The following MIB2 variants were observed in gnomAD, a reference collection of about 807,000 sequenced individuals.
The protein encoded by MIB2 is E3 ubiquitin-protein ligase MIB2.
Under a neutral mutation model 96.6 loss-of-function variants are expected in MIB2, and 78 were observed. That is an observed-to-expected ratio of 0.81 (90% confidence interval 0.67 to 0.97). The LOEUF is 0.97. Ranked by LOEUF, MIB2 falls within the 50% of genes least tolerant of loss-of-function variation. The pLI is 0.00. For synonymous variants in MIB2, 820 were observed against 629.5 expected (o/e 1.30, Z -4.53); for missense variants, 1,543 against 1,424.0 (o/e 1.08, Z -1.35).
chr1:1,627,361 G>C lies in MIB2; in HGVS notation c.1440G>C (p.Leu480Phe). ...CTGCCTACCTGGGCCAGGTGGAGTT[G>C]ATACGGCTGCTGCTACAAGCCAGGG... ...QVAAYLGQVE[L>F]IRLLLQARAG... is the part of the protein sequence containing the mutation. The change falls in exon 12 of 20, where the codon TTG becomes TTC. Residue 480 changes from leucine to phenylalanine, a missense_variant. Physicochemically the swap from Leu to Phe is conservative, Grantham distance 22. Transcript: ENST00000355826. 6.2e-7 allele frequency: 1 copy of C among 1,613,060 alleles called. No homozygotes were observed. Among genetic ancestry groups the C allele is most frequent in the Non-Finnish European group, 8.5e-7 (1 of 1,179,966 alleles).
chr1:1,622,648 C>G (rs1015124738), intron 2 of MIB2, among the ~76,000 whole-genome samples: 8 of 152,334 alleles, frequency 5.3e-5, no homozygotes, highest in African/African-American at 1.9e-4. Context: ...TGGGACTCAG[C>G]CCCGCTTCAG....
At chr1:1,614,058 C>G (rs972507301), upstream of MIB2, 16 of 149,600 alleles carry the variant, frequency 1.1e-4, no homozygotes, top group African/African-American at 4.0e-4. Flanking sequence ...ATTATTAACT[C>G]AAAAGAAAAA....
chr1:1,626,800 A>G lies in MIB2; in HGVS notation c.1078-37A>G, dbSNP rs1412861320. The G allele has an allele frequency of 1.3e-5, 20 of 1,578,902 alleles. No homozygotes were observed. The highest frequency in any genetic ancestry group is 1.5e-5 in the Non-Finnish European group (18 of 1,165,910). ...CGCCGCTAGCGCCGCTGCCCCCCACACCTGCAGCCTGCTGTGACCCCCTCC... is the reference window on the plus strand; with the variant it reads ...CGCCGCTAGCGCCGCTGCCCCCCACGCCTGCAGCCTGCTGTGACCCCCTCC... On this transcript the variant is annotated intron_variant, in intron 9 of 19. Coordinates refer to ENST00000355826, the MANE Select transcript of MIB2 (RefSeq NM_001170687.4). The surrounding 1 kb of genome is among the most constrained non-coding windows in gnomAD (Gnocchi z 5.3).
Position 1,626,578 on chromosome 1 carries a change from G to A in MIB2, c.973-72G>A. 2 of 1,285,400 alleles carry A rather than the reference G, an allele frequency of 1.6e-6. No homozygotes were observed. Among genetic ancestry groups the A allele is most frequent in the South Asian group, 3.0e-5 (2 of 65,906 alleles). The allele number at this position is 1,285,400 out of a possible 1,614,324, so 79.6% of individuals were successfully genotyped here. A position where few individuals can be genotyped will look rare whatever the true frequency, so the allele number is the denominator to read the frequency against. Reference sequence around the variant, plus strand: ...CCTGTCTCGTGGAGCTCAGCAGGTTGCCCTCCTGTTGCATGAGCCTGGGCA... The same window carrying A: ...CCTGTCTCGTGGAGCTCAGCAGGTTACCCTCCTGTTGCATGAGCCTGGGCA... On this transcript the variant is annotated intron_variant, in intron 8 of 19. Coordinates refer to ENST00000355826, the MANE Select transcript of MIB2 (RefSeq NM_001170687.4). This position sits in a 1 kb window ranked among gnomAD's most constrained non-coding sequence, Gnocchi z 5.3.
At position 1,623,845 on chromosome 1, in the gene MIB2, C is replaced by T. The variant is rs372549723; in HGVS notation, c.319C>T (p.Arg107Cys). The T allele has an allele frequency of 6.8e-6, 11 of 1,611,146 alleles. No homozygotes were observed. The highest frequency in any genetic ancestry group is 1.3e-5 in the African/African-American group (1 of 74,866). The change falls in exon 4 of 20, where the codon CGT (arginine) becomes TGT (cysteine). Residue 107 changes from arginine (R) to cysteine (C), a missense_variant. Coordinates refer to ENST00000355826, the MANE Select transcript of MIB2 (RefSeq NM_001170687.4). ...GCTGCGGGGGATGCGCTGGAAGTGC[C>T]GTGTGTGCCTGGACTACGACCTCTG... ...HGLRGMRWKC[R>C]VCLDYDLCTQ...
chr1:1,624,183 C>T (rs1644523855), intron 4 of MIB2: 6 of 568,172 alleles, frequency 1.1e-5, no homozygotes, highest in Admixed American at 3.2e-5. Flanking sequence ...GGCATGAGAC[C>T]TCCAGGAGGA....
Position 1,627,720 on chromosome 1 carries a change from C to A in MIB2, c.1571C>A (p.Ala524Glu). The stretch of plus-strand genomic sequence containing the variant: ...GTGCTCCTGAGTGCTGGGTGCCGGG[C>A]GGACGCCATCAACAGCACCCAGAGC... ...TRVLLSAGCR[A>E]DAINSTQSTA... The change falls in exon 13 of 20, where the codon GCG becomes GAG. Residue 524 changes from alanine to glutamate, a missense_variant. By Grantham distance (107) the Ala-to-Glu change is moderately radical. Transcript: ENST00000355826. 2 of 1,595,038 alleles carry A rather than the reference C, an allele frequency of 1.3e-6. No homozygotes were observed. The highest frequency in any genetic ancestry group is 1.7e-6 in the Non-Finnish European group (2 of 1,178,428).
chr1:1,630,048 TCA>T (rs1392262969), intron 19 of MIB2, among the ~76,000 whole-genome samples: 3 of 40,386 alleles, frequency 7.4e-5, no homozygotes, highest in African/African-American at 1.1e-4. Context: ...CCGGCCCAGC[TCA>T]CAGCCCACCT....
At chr1:1,621,429 G>A (rs1022752369) in intron 2 of MIB2, among the ~76,000 whole-genome samples, 8 of 152,258 alleles carry the variant, frequency 5.3e-5, no homozygotes, top group African/African-American at 1.4e-4. Flanking sequence ...TCCTTGTCTG[G>A]GGCTCACTGG....
chr1:1,628,587 C>G lies in MIB2; in HGVS notation c.2067C>G (p.Asp689Glu). ...TGGGGCTGGTGCCGCTACTGGTGGA[C>G]GCTGGGTGCAGTGTCAACGCCGAGG... ...AHVGLVPLLV[D>E]AGCSVNAEDE... The change falls in exon 16 of 20, where the codon GAC becomes GAG. Residue 689 changes from aspartate to glutamate, a missense_variant. Asp to Glu is a conservative substitution (Grantham distance 45, BLOSUM62 2). Coordinates refer to ENST00000355826, the MANE Select transcript of MIB2 (RefSeq NM_001170687.4). The G allele has an allele frequency of 1.2e-6, 2 of 1,600,888 alleles. No individual in the cohort carries two copies. Among genetic ancestry groups the G allele is most frequent in the South Asian group, 2.2e-5 (2 of 90,306 alleles).
chr1:1,616,638 C>G (rs1557550246), intron 2 of MIB2, 24 bp downstream of exon 2: 2 of 1,550,646 alleles, frequency 1.3e-6, no homozygotes, highest in Non-Finnish European at 1.7e-6. Flanking sequence ...CGTCCGCGGC[C>G]TGATAGTTTG....
chr1:1,625,326 C>A lies in MIB2; in HGVS notation c.762C>A (p.Ser254Arg). 6.3e-7 allele frequency: 1 copy of A among 1,578,024 alleles called. No homozygotes were observed. The highest frequency in any genetic ancestry group is 8.6e-7 in the Non-Finnish European group (1 of 1,162,900). The part of the protein sequence containing the change: ...AELQRRVSAD[S>R]QPFQHGDKVK... ...TGCAGCGCAGGGTGAGTGCTGACAG[C>A]CAGCCCTTCCAGCACGGGGACAAGG... is the stretch of plus-strand genomic sequence containing the variant. The change falls in exon 7 of 20, where the codon AGC becomes AGA. Residue 254 changes from serine (S) to arginine (R), a missense_variant. Coordinates refer to ENST00000355826, the MANE Select transcript of MIB2 (RefSeq NM_001170687.4). This position sits in a 1 kb window ranked among gnomAD's most constrained non-coding sequence, Gnocchi z 5.0.
At chr1:1,627,622 G>A (rs369045201) in intron 12 of MIB2, 51 bp from the exon 13 acceptor site, 441 of 1,550,872 alleles carry the variant, frequency 2.8e-4, no homozygotes, top group Non-Finnish European at 3.6e-4. Flanking sequence ...GAGCCTGTGC[G>A]TCCAGCCACC....
chr1:1,629,409 G>T lies in MIB2; in HGVS notation c.2406G>T (p.Ala802=). ...RFRERQAGGG[A]APGPRQTLGT... ...GGGAGCGGCAGGCGGGCGGGGGCGCGGCCCCGGGCCCCAGGCAAACGCTCG... is the reference window on the plus strand; with the variant it reads ...GGGAGCGGCAGGCGGGCGGGGGCGCTGCCCCGGGCCCCAGGCAAACGCTCG... The change falls in exon 18 of 20, where the codon GCG becomes GCT. Residue 802 remains alanine (A), a synonymous_variant. Transcript: ENST00000355826. The T allele has an allele frequency of 6.9e-7, 1 of 1,451,814 alleles. No homozygotes were observed. Among genetic ancestry groups the T allele is most frequent in the South Asian group, 1.4e-5 (1 of 70,692 alleles). 89.9% of individuals were successfully genotyped at this position (1,451,814 alleles called of 1,614,324 possible). A position where few individuals can be genotyped will look rare whatever the true frequency, so the allele number is the denominator to read the frequency against.
chr1:1,628,572 G>A lies in MIB2; in HGVS notation c.2052G>A (p.Val684=). ...LAVQQAHVGL[V]PLLVDAGCSV... is the part of the protein sequence containing the mutation. ...TGCAACAGGCCCACGTGGGGCTGGT[G>A]CCGCTACTGGTGGACGCTGGGTGCA... The change falls in exon 16 of 20, where the codon GTG becomes GTA. Residue 684 remains valine (V), a synonymous_variant. Transcript: ENST00000355826. 6.2e-7 allele frequency: 1 copy of A among 1,601,008 alleles called. No homozygotes were observed. Among genetic ancestry groups the A allele is most frequent in the Non-Finnish European group, 8.5e-7 (1 of 1,178,268 alleles).
rs1644720085 is a variant in MIB2 at position 1,625,953 on chromosome 1, C to T, written c.972+300C>T. ...AGCTTCGTGGGCGGGAGGGAGGCGG[C>T]TGGGCTAAGATGCTCCTGGTTAGTG... On this transcript the variant is annotated intron_variant, in intron 8 of 19. Coordinates refer to ENST00000355826, the MANE Select transcript of MIB2 (RefSeq NM_001170687.4). This position sits in a 1 kb window ranked among gnomAD's most constrained non-coding sequence, Gnocchi z 5.0. 1 of 475,076 alleles carries T rather than the reference C, an allele frequency of 2.1e-6. No homozygotes were observed. Among genetic ancestry groups the T allele is most frequent in the Non-Finnish European group, 3.8e-6 (1 of 261,298 alleles). 29.4% of individuals were successfully genotyped at this position (475,076 alleles called of 1,614,324 possible).
chr1:1,623,396 G>A (rs773497294), intron 2 of MIB2, 35 bp from the exon 3 acceptor site: 2 of 1,598,724 alleles, frequency 1.3e-6, no homozygotes, highest in South Asian at 1.1e-5. Context: ...CAGGTCCCGA[G>A]CAGCCCGGCC....
chr1:1,626,730 C>T lies in MIB2; in HGVS notation c.1053C>T (p.Gly351=), dbSNP rs1644808834. The T allele has an allele frequency of 6.3e-7, 1 of 1,598,494 alleles. No individual in the cohort carries two copies. ...DTVKRLQAGH[G]EWTDDMAPAL... The stretch of plus-strand genomic sequence containing the variant: ...TGAAGCGGCTGCAGGCTGGGCATGG[C>T]GAGTGGACGGACGACATGGCCCCTG... Residue 351 remains glycine, a synonymous_variant, in exon 9 of 20, where the codon GGC becomes GGT. Coordinates refer to ENST00000355826, the MANE Select transcript of MIB2 (RefSeq NM_001170687.4). This position sits in a 1 kb window ranked among gnomAD's most constrained non-coding sequence, Gnocchi z 5.3.
At chr1:1,630,169 C>CATCCGCGACCGCAT in intron 19 of MIB2, 123 bp from the exon 20 acceptor site, 1 of 339,450 alleles carries the variant, frequency 2.9e-6, no homozygotes, top group Non-Finnish European at 5.2e-6. Context: ...CCCGCCAGCC[C>CATCCGCGACCGCAT]CCCTTGCAGG....
Sources: allele counts gnomAD v4.1 joint callset (sites outside exome capture counted in the v4.1 genomes callset), GRCh38; gene constraint gnomAD v4.1.1; non-coding constraint Gnocchi (gnomAD v3.1); transcripts MANE v1.5; gene names NCBI Gene and HGNC (gene_info 2026-07-23, HGNC 2026-07-21).